The following RALGAPA1 variants were observed in gnomAD, a reference collection of about 807,000 sequenced individuals.
RALGAPA1 encodes the protein ral GTPase-activating protein subunit alpha-1.
Under a neutral mutation model 269.6 loss-of-function variants are expected in RALGAPA1, and 52 were observed. The observed-to-expected ratio is 0.19, with a 90% CI of 0.15 to 0.24. The LOEUF (loss-of-function observed/expected upper bound fraction) is 0.24, where lower values mean the gene tolerates loss of function less well. Ranked by LOEUF, RALGAPA1 falls within the 10% of genes least tolerant of loss-of-function variation. The pLI is 1.00. For synonymous variants in RALGAPA1, 817 were observed against 1,008.3 expected, an observed-to-expected ratio of 0.81 and a Z score of 3.60; for missense variants, 1,917 against 3,013.9, an observed-to-expected ratio of 0.64 and a Z score of 8.52.
chr14:35,670,586 TCA>T (rs1198013122), intron 26 of RALGAPA1, among the ~76,000 whole-genome samples: 3 of 152,184 alleles, frequency 2.0e-5, no homozygotes, highest in African/African-American at 7.2e-5. Context: ...TAGCATTGTC[TCA>T]CAGTTCCACG....
At chr14:35,684,703 C>A (rs930100854) in intron 20 of RALGAPA1, among the ~76,000 whole-genome samples, 6 of 152,080 alleles carry the variant, frequency 3.9e-5, no homozygotes, top group Admixed American at 3.9e-4. Flanking sequence ...CACCTGTAAT[C>A]CCAGCTACTC....
chr14:35,580,152 C>T (rs946203196), intron 37 of RALGAPA1, among the ~76,000 whole-genome samples: 8 of 152,034 alleles, frequency 5.3e-5, no homozygotes, highest in African/African-American at 1.9e-4. Flanking sequence ...TGCTTCTTTC[C>T]CCCTATTTTG....
intron 4 of RALGAPA1, among the ~76,000 whole-genome samples, chr14:35,767,336 C>T (rs527834315): frequency 6.6e-6 from 1 of 151,862 alleles, no homozygotes; most frequent in Non-Finnish European, 1.5e-5. Context: ...GTTTTAAATA[C>T]CTATATCAGA....
chr14:35,741,436 C>T (rs1485179674), intron 11 of RALGAPA1, among the ~76,000 whole-genome samples: 4 of 151,816 alleles, frequency 2.6e-5, no homozygotes, highest in African/African-American at 7.3e-5. Context: ...GGAGGGTGCT[C>T]TATGTTTGTG....
At chr14:35,569,236 A>G (rs1205380683) in intron 39 of RALGAPA1, among the ~76,000 whole-genome samples, 3 of 152,206 alleles carry the variant, frequency 2.0e-5, no homozygotes, top group Non-Finnish European at 4.4e-5. Flanking sequence ...GGACTGGAAC[A>G]TAAGATATTT....
At chr14:35,567,755 TG>T (rs530247606) in intron 39 of RALGAPA1, among the ~76,000 whole-genome samples, 1 of 152,260 alleles carries the variant, frequency 6.6e-6, no homozygotes, top group African/African-American at 2.4e-5. Context: ...TCAGAAAGTT[TG>T]TGCTTGCTCA....
At chr14:35,675,337 G>T (rs1348483248) in intron 22 of RALGAPA1, among the ~76,000 whole-genome samples, 1 of 152,104 alleles carries the variant, frequency 6.6e-6, no homozygotes, top group South Asian at 2.1e-4. Context: ...CACCACATCC[G>T]GCTAATTTTT....
At chr14:35,759,690 A>C (rs1223573105) in intron 6 of RALGAPA1, among the ~76,000 whole-genome samples, 2 of 151,982 alleles carry the variant, frequency 1.3e-5, no homozygotes, top group Non-Finnish European at 2.9e-5. Flanking sequence ...CGGACCAATC[A>C]CTTGAGGTCA....
At chr14:35,571,183 T>C (rs891722228) in intron 38 of RALGAPA1, among the ~76,000 whole-genome samples, 7 of 152,230 alleles carry the variant, frequency 4.6e-5, no homozygotes, top group African/African-American at 1.7e-4. Flanking sequence ...CACAGTTTAT[T>C]AGAAAAAATA....
intron 16 of RALGAPA1, chr14:35,715,807 C>T: frequency 4.1e-6 from 4 of 985,272 alleles, no homozygotes; most frequent in Non-Finnish European, 4.8e-6. Flanking sequence ...AGTCTGAATC[C>T]CAGAAGTGAT....
At chr14:35,630,369 C>T (rs1336373900) in intron 33 of RALGAPA1, among the ~76,000 whole-genome samples, 1 of 151,926 alleles carries the variant, frequency 6.6e-6, no homozygotes, top group Non-Finnish European at 1.5e-5. Flanking sequence ...CTCACTGCAG[C>T]CTCTGCCTCC....
At chr14:35,729,768 T>C (rs1168382445) in intron 12 of RALGAPA1, among the ~76,000 whole-genome samples, 1 of 152,176 alleles carries the variant, frequency 6.6e-6, no homozygotes, top group African/African-American at 2.4e-5. Flanking sequence ...TCACACTACC[T>C]GTAGTGAAAG....
At chr14:35,698,826 A>G (rs1354691684) in intron 17 of RALGAPA1, among the ~76,000 whole-genome samples, 2 of 152,340 alleles carry the variant, frequency 1.3e-5, no homozygotes, top group South Asian at 4.1e-4. Flanking sequence ...AATCTGTGCT[A>G]CTTACATAAG....
intron 27 of RALGAPA1, among the ~76,000 whole-genome samples, chr14:35,664,417 A>G (rs7152003): frequency 0.044 from 6,749 of 152,302 alleles, 396 homozygotes; most frequent in South Asian, 0.14. Flanking sequence ...ACAGGTAGAC[A>G]TGTGAGTAGG....
intron 17 of RALGAPA1, among the ~76,000 whole-genome samples, chr14:35,699,500 G>T (rs553821531): frequency 2.0e-5 from 3 of 152,244 alleles, no homozygotes; most frequent in African/African-American, 7.2e-5. Context: ...AGCAGACCGT[G>T]CCAGTACTGG....
At chr14:35,784,413 G>A (rs1422757495) in intron 1 of RALGAPA1, among the ~76,000 whole-genome samples, 2 of 152,158 alleles carry the variant, frequency 1.3e-5, no homozygotes, top group African/African-American at 4.8e-5. Flanking sequence ...ACATGCAGAA[G>A]AGTCAACCAC....
chr14:35,668,866 T>C (rs531518325), intron 26 of RALGAPA1, among the ~76,000 whole-genome samples: 5 of 152,136 alleles, frequency 3.3e-5, no homozygotes, highest in Non-Finnish European at 7.4e-5. Flanking sequence ...GTAAATTAGA[T>C]ATGTATACTT....
chr14:35,591,939 G>A (rs568091341), intron 37 of RALGAPA1, among the ~76,000 whole-genome samples: 20 of 152,190 alleles, frequency 1.3e-4, no homozygotes, highest in South Asian at 6.2e-4. Flanking sequence ...CCCTTTGTTC[G>A]CTCTCTTGCC....
chr14:35,573,305 A>G (rs1280368769), intron 37 of RALGAPA1, among the ~76,000 whole-genome samples: 1 of 152,202 alleles, frequency 6.6e-6, no homozygotes, highest in Non-Finnish European at 1.5e-5. Context: ...TGGATTTCTA[A>G]TAAGGTGTTA....
Sources: allele counts gnomAD v4.1 joint callset (sites outside exome capture counted in the v4.1 genomes callset), GRCh38; gene constraint gnomAD v4.1.1; transcripts MANE v1.5; gene names NCBI Gene and HGNC (gene_info 2026-07-23, HGNC 2026-07-21).